Variants in ATRNL1 observed in about 807,000 individuals in gnomAD.
ATRNL1 encodes attractin like 1.
In ATRNL1, 95 loss-of-function variants were observed where a neutral mutation model predicts 182.7. That is an observed-to-expected ratio of 0.52 (90% confidence interval 0.44 to 0.62). The LOEUF (loss-of-function observed/expected upper bound fraction) is 0.62, where lower values mean the gene tolerates loss of function less well. Ranked by LOEUF, ATRNL1 falls within the 20% of genes least tolerant of loss-of-function variation. The pLI, the probability that ATRNL1 is intolerant of heterozygous loss-of-function variation, is 0.00. For synonymous variants in ATRNL1, 576 were observed against 568.3 expected (o/e 1.01, Z -0.19); for missense variants, 1,471 against 1,679.5 (o/e 0.88, Z 2.17).
intron 19 of ATRNL1, among the ~76,000 whole-genome samples, chr10:115,385,392 A>G (rs1432718896): frequency 6.6e-6 from 1 of 152,008 alleles, no homozygotes; most frequent in African/African-American, 2.4e-5. Flanking sequence ...TCTTTTGTCC[A>G]CTTTTAAAAA....
At chr10:115,636,298 A>C (rs1181218707) in intron 26 of ATRNL1, among the ~76,000 whole-genome samples, 1 of 145,146 alleles carries the variant, frequency 6.9e-6, no homozygotes, top group Non-Finnish European at 1.6e-5. Context: ...GGCAATAGCA[A>C]TAGGGGGATC....
At chr10:115,413,098 G>T (rs1040996424) in intron 20 of ATRNL1, among the ~76,000 whole-genome samples, 1 of 152,126 alleles carries the variant, frequency 6.6e-6, no homozygotes, top group Non-Finnish European at 1.5e-5. Context: ...TTTTTGGCAT[G>T]TGAGGAATGA....
At chr10:115,742,112 G>A (rs1298159255) in intron 27 of ATRNL1, among the ~76,000 whole-genome samples, 2 of 152,152 alleles carry the variant, frequency 1.3e-5, no homozygotes, top group Non-Finnish European at 1.5e-5. Flanking sequence ...AAGCCAGACC[G>A]CAAGAGATGT....
chr10:115,317,275 A>G (rs114216974), intron 18 of ATRNL1, among the ~76,000 whole-genome samples: 1,968 of 149,444 alleles, frequency 0.013, 37 homozygotes, highest in African/African-American at 0.044. Context: ...ATTGGTCTAC[A>G]TCTGTTTTGG....
chr10:115,436,082 A>G (rs1554964778), intron 21 of ATRNL1, among the ~76,000 whole-genome samples: 1 of 152,160 alleles, frequency 6.6e-6, no homozygotes, highest in East Asian at 1.9e-4. Flanking sequence ...AGTTGCTTTA[A>G]GTTTATTACG....
chr10:115,312,921 G>A (rs1854108102), intron 17 of ATRNL1, among the ~76,000 whole-genome samples: 2 of 151,934 alleles, frequency 1.3e-5, no homozygotes, highest in South Asian at 4.1e-4. Flanking sequence ...ACAAAGTATT[G>A]TTAAAACTAT....
chr10:115,492,932 C>T (rs1289783152), intron 24 of ATRNL1, among the ~76,000 whole-genome samples: 8 of 151,920 alleles, frequency 5.3e-5, no homozygotes, highest in African/African-American at 1.5e-4. Flanking sequence ...CGTGAGTCAC[C>T]GCGCCTGGCC....
chr10:115,474,056 T>G (rs1848424950), intron 24 of ATRNL1, among the ~76,000 whole-genome samples: 1 of 151,376 alleles, frequency 6.6e-6, no homozygotes, highest in African/African-American at 2.4e-5. Flanking sequence ...TGTATTTCAT[T>G]TATTTCCACC....
chr10:115,713,711 T>TCTATCTATCTATCATCTATCTAG (rs1565310949), intron 26 of ATRNL1, among the ~76,000 whole-genome samples: 20 of 142,500 alleles, frequency 1.4e-4, no homozygotes, highest in African/African-American at 5.1e-4. Context: ...CTATCATCTA[T>TCTATCTATCTATCATCTATCTAG]CTATCTATCT....
intron 4 of ATRNL1, 116 bp from the exon 5 acceptor site, chr10:115,129,211 T>C: frequency 1.3e-5 from 9 of 684,978 alleles, no homozygotes; most frequent in Non-Finnish European, 2.2e-5. Flanking sequence ...TGTGAAATTC[T>C]GTTACATTTA....
At chr10:115,293,957 C>T (rs1255361347) in intron 15 of ATRNL1, among the ~76,000 whole-genome samples, 1 of 152,164 alleles carries the variant, frequency 6.6e-6, no homozygotes, top group Non-Finnish European at 1.5e-5. Context: ...TAGGCTGGAT[C>T]TATTTGGTGT....
intron 24 of ATRNL1, among the ~76,000 whole-genome samples, chr10:115,482,488 A>G (rs1317553865): frequency 6.6e-6 from 1 of 150,896 alleles, no homozygotes; most frequent in Non-Finnish European, 1.5e-5. Flanking sequence ...TTATTAATAT[A>G]TTTATAATAC....
At chr10:115,606,440 A>C (rs1445780249) in intron 26 of ATRNL1, among the ~76,000 whole-genome samples, 1 of 152,058 alleles carries the variant, frequency 6.6e-6, no homozygotes, top group Non-Finnish European at 1.5e-5. Flanking sequence ...GTATAACACA[A>C]GAATATTATA....
At chr10:115,863,342 A>G (rs868964862) in intron 28 of ATRNL1, among the ~76,000 whole-genome samples, 5 of 152,324 alleles carry the variant, frequency 3.3e-5, no homozygotes, top group Middle Eastern at 3.4e-3. Flanking sequence ...GATTATTTTG[A>G]CTATATACTG....
rs933662247 is a variant in ATRNL1, at chr10:115,414,760, A to C, written c.3270-11490A>C. 5.4e-4 allele frequency among the ~76,000 whole-genome samples: 82 copies of C among 151,950 alleles called. 1 individual carries two copies. Among genetic ancestry groups the C allele is most frequent in the Non-Finnish European group, 1.9e-4 (13 of 67,850 alleles). ...TTATTATTTCACCTTCTTACACAAAAGCTGACATATTATTAGATGTATTTT... is the reference window on the plus strand; with the variant it reads ...TTATTATTTCACCTTCTTACACAAACGCTGACATATTATTAGATGTATTTT... On this transcript the variant is annotated intron_variant, in intron 20 of 28. Coordinates refer to ENST00000355044, the MANE Select transcript of ATRNL1 (RefSeq NM_207303.4).
intron 26 of ATRNL1, among the ~76,000 whole-genome samples, chr10:115,662,971 A>G (rs1328789080): frequency 6.6e-6 from 1 of 152,156 alleles, no homozygotes; most frequent in Non-Finnish European, 1.5e-5. Context: ...AAAGTAAACA[A>G]TGTTAAACAT....
chr10:115,152,639 A>T (rs1206179624), intron 5 of ATRNL1, among the ~76,000 whole-genome samples: 1 of 152,214 alleles, frequency 6.6e-6, no homozygotes, highest in Non-Finnish European at 1.5e-5. Context: ...TTTTCTAAAT[A>T]TACAATCATG....
chr10:115,305,642 G>T (rs1449542276), intron 17 of ATRNL1, among the ~76,000 whole-genome samples: 1 of 152,140 alleles, frequency 6.6e-6, no homozygotes, highest in African/African-American at 2.4e-5. Context: ...CTTGTCTCTC[G>T]ACAAACATTA....
At chr10:115,487,659 A>G (rs1849089362) in intron 24 of ATRNL1, among the ~76,000 whole-genome samples, 1 of 152,116 alleles carries the variant, frequency 6.6e-6, no homozygotes, top group South Asian at 2.1e-4. Context: ...TAAATATACA[A>G]TCATGTCCTC....
Sources: allele counts gnomAD v4.1 joint callset (sites outside exome capture counted in the v4.1 genomes callset), GRCh38; gene constraint gnomAD v4.1.1; transcripts MANE v1.5; gene names NCBI Gene and HGNC (gene_info 2026-07-23, HGNC 2026-07-21).